ANKIB1: variants seen among roughly 807,000 people sequenced by gnomAD.
ANKIB1 encodes the protein ankyrin repeat and IBR domain containing 1.
Under a neutral mutation model 122.1 loss-of-function variants are expected in ANKIB1, and 43 were observed. That is an observed-to-expected ratio of 0.35 (90% confidence interval 0.28 to 0.45). The LOEUF (loss-of-function observed/expected upper bound fraction) is 0.45. Among genes scored for constraint, ANKIB1 ranks in the 20% least tolerant of loss-of-function variants. The probability of loss-of-function intolerance (pLI) is 1.00; values close to 1 mark genes in which losing one functional copy is unlikely to be tolerated. For synonymous variants in ANKIB1, 390 were observed against 442.0 expected (o/e 0.88, Z 1.48); for missense variants, 992 against 1,329.5 (o/e 0.75, Z 3.95).
intron 18 of ANKIB1, among the ~76,000 whole-genome samples, chr7:92,397,180 A>T (rs1804916854): frequency 6.6e-6 from 1 of 152,140 alleles, no homozygotes; most frequent in African/African-American, 2.4e-5. Flanking sequence ...AACTATATAG[A>T]CTGCAAGCAA....
At chr7:92,340,865 TCAAA>T (rs1803422811) in intron 5 of ANKIB1, among the ~76,000 whole-genome samples, 2 of 152,256 alleles carry the variant, frequency 1.3e-5, no homozygotes, top group African/African-American at 4.8e-5. Flanking sequence ...AACAAACACA[TCAAA>T]CAATGTTTGA....
intron 7 of ANKIB1, among the ~76,000 whole-genome samples, chr7:92,350,675 T>C (rs1244059892): frequency 1.3e-5 from 2 of 152,044 alleles, no homozygotes; most frequent in Non-Finnish European, 2.9e-5. Context: ...CTGGACAACA[T>C]AGCAAGACCC....
chr7:92,335,881 TA>T (rs1438737195), intron 5 of ANKIB1, among the ~76,000 whole-genome samples: 4 of 152,092 alleles, frequency 2.6e-5, no homozygotes, highest in Non-Finnish European at 5.9e-5. Context: ...ATTAGTTGAA[TA>T]ATCTTGGCAT....
intron 10 of ANKIB1, among the ~76,000 whole-genome samples, chr7:92,370,449 A>G (rs1804213686): frequency 1.5e-5 from 2 of 135,834 alleles, no homozygotes; most frequent in Admixed American, 1.7e-4. Flanking sequence ...TGGAGCTTGC[A>G]GTGAGCCGAG....
intron 5 of ANKIB1, among the ~76,000 whole-genome samples, chr7:92,333,005 G>A (rs982487072): frequency 1.3e-5 from 2 of 152,128 alleles, no homozygotes; most frequent in Admixed American, 6.6e-5. Context: ...CTGGGTATTC[G>A]AGGCAGAAAC....
chr7:92,294,050 A>G (rs1802302247), intron 1 of ANKIB1, among the ~76,000 whole-genome samples: 1 of 152,190 alleles, frequency 6.6e-6, no homozygotes, highest in Non-Finnish European at 1.5e-5. Flanking sequence ...ACTTGCTTAA[A>G]ATTACATAAC....
chr7:92,307,393 C>T lies in ANKIB1; in HGVS notation c.223C>T (p.Arg75Trp), dbSNP rs1802583249. 1 of 1,612,210 alleles carries T rather than the reference C, an allele frequency of 6.2e-7. No homozygotes were observed. The highest frequency in any genetic ancestry group is 1.7e-5 in the Admixed American group (1 of 59,878). ...TGGTAGAGATGGAAATCCAAATAAACGGAATGTGCACAATGAAACATCTAT... is the reference window on the plus strand; with the variant it reads ...TGGTAGAGATGGAAATCCAAATAAATGGAATGTGCACAATGAAACATCTAT... ...FLGRDGNPNKRNVHNETSMHL... is the reference protein window; with the variant it reads ...FLGRDGNPNKWNVHNETSMHL... Residue 75 changes from arginine (R) to tryptophan (W), a missense_variant, in exon 3 of 20, where the codon CGG becomes TGG. By Grantham distance (101) the Arg-to-Trp change is moderately radical (BLOSUM62 -3). Coordinates refer to ENST00000265742, the MANE Select transcript of ANKIB1 (RefSeq NM_019004.2).
At chr7:92,387,713 T>G in intron 12 of ANKIB1, 85 bp from the exon 13 acceptor site, 1 of 966,440 alleles carries the variant, frequency 1.0e-6, no homozygotes, top group Non-Finnish European at 1.6e-6. Flanking sequence ...CTATCACTAA[T>G]AAAACTTTTA....
chr7:92,398,381 G>C lies in ANKIB1; in HGVS notation c.2702G>C (p.Arg901Thr). The C allele has an allele frequency of 6.2e-7, 1 of 1,613,300 alleles. No homozygotes were observed. The highest frequency in any genetic ancestry group is 1.1e-5 in the South Asian group (1 of 91,000). Residue 901 changes from arginine to threonine, a missense_variant, in exon 20 of 20, where the codon AGA becomes ACA. By Grantham distance (71) the Arg-to-Thr change is moderately conservative. This residue lies in a region of ANKIB1 where 384 missense variants were observed against 412.0 expected (regional missense o/e 0.93). Coordinates refer to ENST00000265742, the MANE Select transcript of ANKIB1 (RefSeq NM_019004.2). ...SLPSRLDSVP[R>T]NTDSPRAALS... ...CCTTCCAGGCTGGACTCTGTCCCCA[G>C]AAATACAGATAGCCCTCGGGCTGCA...
intron 3 of ANKIB1, among the ~76,000 whole-genome samples, chr7:92,311,084 G>T (rs1342673566): frequency 6.6e-6 from 1 of 151,956 alleles, no homozygotes; most frequent in Admixed American, 6.6e-5. Context: ...TTGTATCATT[G>T]CTTTTAGTCT....
intron 5 of ANKIB1, among the ~76,000 whole-genome samples, chr7:92,337,744 A>G (rs768538634): frequency 1.2e-4 from 18 of 152,320 alleles, no homozygotes; most frequent in East Asian, 3.9e-4. Flanking sequence ...TTACATGCCA[A>G]TTAACAAACC....
chr7:92,255,353 A>G (rs2131875702), intron 1 of ANKIB1, among the ~76,000 whole-genome samples: 1 of 152,314 alleles, frequency 6.6e-6, no homozygotes, highest in African/African-American at 2.4e-5. Flanking sequence ...TAAATAAACA[A>G]GGGGGATTAT....
At chr7:92,287,182 A>G (rs1299724165) in intron 1 of ANKIB1, among the ~76,000 whole-genome samples, 2 of 152,272 alleles carry the variant, frequency 1.3e-5, no homozygotes, top group Non-Finnish European at 2.9e-5. Context: ...AGAAATTAAC[A>G]TTGGTACAGT....
At chr7:92,337,369 TCTTA>T (rs1166556755) in intron 5 of ANKIB1, among the ~76,000 whole-genome samples, 1 of 152,226 alleles carries the variant, frequency 6.6e-6, no homozygotes, top group Non-Finnish European at 1.5e-5. Flanking sequence ...AGTATCTTTT[TCTTA>T]CTATTTAAGA....
intron 14 of ANKIB1, 24 bp downstream of exon 14, chr7:92,388,065 A>G: frequency 6.5e-7 from 1 of 1,533,080 alleles, no homozygotes; most frequent in Non-Finnish European, 8.9e-7. Flanking sequence ...TGTATGTGTG[A>G]TAATTAATAT....
intron 7 of ANKIB1, among the ~76,000 whole-genome samples, chr7:92,349,917 T>C (rs1399741579): frequency 6.6e-6 from 1 of 150,676 alleles, no homozygotes; most frequent in East Asian, 2.0e-4. Flanking sequence ...ATGCGTGTAA[T>C]CCCAGCTACT....
At chr7:92,384,459 G>A (rs1170627352) in intron 11 of ANKIB1, among the ~76,000 whole-genome samples, 2 of 152,282 alleles carry the variant, frequency 1.3e-5, no homozygotes, top group East Asian at 3.9e-4. Flanking sequence ...CAAAGCTTGA[G>A]GCATCACACT....
intron 1 of ANKIB1, among the ~76,000 whole-genome samples, chr7:92,255,106 A>G (rs1467526366): frequency 6.6e-6 from 1 of 152,202 alleles, no homozygotes; most frequent in African/African-American, 2.4e-5. Flanking sequence ...GCCATGTGGA[A>G]CCATAGGTCT....
chr7:92,394,701 A>G (rs1804850744), intron 17 of ANKIB1, among the ~76,000 whole-genome samples: 1 of 152,182 alleles, frequency 6.6e-6, no homozygotes, highest in African/African-American at 2.4e-5. Flanking sequence ...AGCCTTGACG[A>G]CACTTAAGTC....
Sources: allele counts gnomAD v4.1 joint callset (sites outside exome capture counted in the v4.1 genomes callset), GRCh38; gene constraint gnomAD v4.1.1; regional missense constraint gnomAD v4.1.1; transcripts MANE v1.5; gene names NCBI Gene and HGNC (gene_info 2026-07-23, HGNC 2026-07-21).